The following MMP26 variants were observed in gnomAD, a reference collection of about 807,000 sequenced individuals.
MMP26 encodes matrix metallopeptidase 26, also known as matrix metalloproteinase-26.
A neutral mutation model predicts 31.0 loss-of-function variants in MMP26; 33 were observed. That is an observed-to-expected ratio of 1.06 (90% CI 0.81 to 1.42). MMP26 has a LOEUF of 1.42. Ranked by LOEUF, MMP26 falls within the 40% of genes most tolerant of loss-of-function variation. MMP26 has a pLI of 0.00. For missense variants in MMP26, 347 were observed against 316.1 expected, an observed-to-expected ratio of 1.10 and a Z score of -0.74; for synonymous variants, 122 against 114.9, an observed-to-expected ratio of 1.06 and a Z score of -0.40.
At chr11:4,805,249 T>C (rs146849859) in intron 2 of MMP26, among the ~76,000 whole-genome samples, 244 of 152,306 alleles carry the variant, frequency 1.6e-3, no homozygotes, top group Admixed American at 3.9e-3. Context: ...AGGGCTTGGG[T>C]GGGAAGTTAA....
chr11:4,758,513 AC>A (rs1848533477), intron 1 of MMP26, among the ~76,000 whole-genome samples: 1 of 151,578 alleles, frequency 6.6e-6, no homozygotes, highest in Non-Finnish European at 1.5e-5. Flanking sequence ...GCACCGCAAT[AC>A]ATACTGAAAT....
chr11:4,825,839 G>T (rs1849571713), intron 2 of MMP26, among the ~76,000 whole-genome samples: 1 of 152,106 alleles, frequency 6.6e-6, no homozygotes, highest in African/African-American at 2.4e-5. Context: ...GAAGGAGAAA[G>T]AATAAGATGA....
intron 1 of MMP26, among the ~76,000 whole-genome samples, chr11:4,727,838 A>T (rs1281732144): frequency 2.0e-5 from 3 of 152,260 alleles, no homozygotes. Flanking sequence ...AAACAAACAA[A>T]AATCTTCTCT....
chr11:4,718,907 G>A (rs1450884838), intron 1 of MMP26: 9 of 183,338 alleles, frequency 4.9e-5, no homozygotes, highest in South Asian at 2.4e-4. Flanking sequence ...TTTAATGCCC[G>A]CTTGTCCCAG....
At chr11:4,869,306 A>G (rs540471382) in intron 2 of MMP26, among the ~76,000 whole-genome samples, 4 of 152,260 alleles carry the variant, frequency 2.6e-5, no homozygotes, top group African/African-American at 9.6e-5. Context: ...GAAAATTTTT[A>G]CAATCTACCC....
chr11:4,964,627 A>G (rs1256425880), intron 2 of MMP26, among the ~76,000 whole-genome samples: 1 of 152,180 alleles, frequency 6.6e-6, no homozygotes, highest in Non-Finnish European at 1.5e-5. Context: ...ACATATGTTC[A>G]TTGCAGTACC....
At chr11:4,829,428 G>A (rs1279542191) in intron 2 of MMP26, among the ~76,000 whole-genome samples, 3 of 152,150 alleles carry the variant, frequency 2.0e-5, no homozygotes, top group African/African-American at 7.2e-5. Context: ...CAGGCCAATA[G>A]TATTTTGCTA....
intron 2 of MMP26, chr11:4,908,305 A>G (rs747761605): frequency 4.3e-5 from 70 of 1,612,998 alleles, no homozygotes; most frequent in Non-Finnish European, 5.1e-5. Flanking sequence ...TATGTGGGAG[A>G]TAAGAACTTG....
intron 2 of MMP26, among the ~76,000 whole-genome samples, chr11:4,840,355 C>T (rs1010860140): frequency 1.4e-4 from 21 of 152,176 alleles, no homozygotes; most frequent in African/African-American, 5.1e-4. Flanking sequence ...GAAGTGGTTA[C>T]AGCAGGCCTT....
intron 3 of MMP26, 105 bp downstream of exon 3, chr11:4,988,415 C>A: frequency 2.4e-6 from 2 of 824,594 alleles, no homozygotes; most frequent in Non-Finnish European, 4.3e-6. Context: ...TAAATACACA[C>A]ATTAATATTA....
At chr11:4,915,244 A>G (rs1851063084) in intron 2 of MMP26, 2 of 1,613,878 alleles carry the variant, frequency 1.2e-6, no homozygotes, top group African/African-American at 1.3e-5. Context: ...TGTTGGTGAG[A>G]ATGGAAACAT....
intron 2 of MMP26, among the ~76,000 whole-genome samples, chr11:4,896,908 G>C (rs1420131010): frequency 6.6e-6 from 1 of 151,944 alleles, no homozygotes; most frequent in African/African-American, 2.4e-5. Flanking sequence ...ACATTAAGAT[G>C]GCTATTTCTT....
chr11:4,990,819 A>C, intron 5 of MMP26, 73 bp downstream of exon 5: 5 of 1,445,028 alleles, frequency 3.5e-6, no homozygotes, highest in Non-Finnish European at 4.7e-6. Flanking sequence ...ATCCTTAAAC[A>C]AAAACCTAGC....
intron 1 of MMP26, among the ~76,000 whole-genome samples, chr11:4,765,446 T>G (rs1485860269): frequency 1.3e-5 from 2 of 152,176 alleles, no homozygotes; most frequent in East Asian, 1.9e-4. Flanking sequence ...GCCTTCTTTT[T>G]GTAGTAAATG....
intron 1 of MMP26, among the ~76,000 whole-genome samples, chr11:4,739,346 TTCTC>T: frequency 6.6e-6 from 1 of 152,340 alleles, no homozygotes; most frequent in South Asian, 2.1e-4. Context: ...GTGAGTTTTC[TTCTC>T]TTTCCTTTCT....
At chr11:4,789,787 G>A (rs546864015) in intron 2 of MMP26, among the ~76,000 whole-genome samples, 5 of 151,332 alleles carry the variant, frequency 3.3e-5, no homozygotes, top group East Asian at 3.9e-4. Context: ...TGATATGCCC[G>A]CCCCAGCCTC....
At chr11:4,803,136 T>A (rs1849206275) in intron 2 of MMP26, among the ~76,000 whole-genome samples, 1 of 152,226 alleles carries the variant, frequency 6.6e-6, no homozygotes, top group Non-Finnish European at 1.5e-5. Flanking sequence ...TAATCATCTG[T>A]GGGAGATGAC....
At chr11:4,777,492 T>C (rs578141526) in intron 2 of MMP26, among the ~76,000 whole-genome samples, 7 of 152,266 alleles carry the variant, frequency 4.6e-5, no homozygotes, top group Non-Finnish European at 8.8e-5. Flanking sequence ...TATACATACA[T>C]CACAGTATGC....
intron 2 of MMP26, chr11:4,914,921 G>A (rs867001321): frequency 1.2e-6 from 2 of 1,614,000 alleles, no homozygotes; most frequent in Non-Finnish European, 1.7e-6. Context: ...ACAGATGTGG[G>A]AAACACAGGT....
Sources: allele counts gnomAD v4.1 joint callset (sites outside exome capture counted in the v4.1 genomes callset), GRCh38; gene constraint gnomAD v4.1.1; transcripts MANE v1.5; gene names NCBI Gene and HGNC (gene_info 2026-07-23, HGNC 2026-07-21).